FAM227B: variants seen among roughly 807,000 people sequenced by gnomAD.
FAM227B encodes protein FAM227B.
In FAM227B, 88 loss-of-function variants were observed where a neutral mutation model predicts 73.8. The ratio of observed to expected loss-of-function variants is 1.19; its 90% CI spans 1.00 to 1.42. The LOEUF (loss-of-function observed/expected upper bound fraction) is 1.42. Among genes scored for constraint, FAM227B ranks in the 40% most tolerant of loss-of-function variants. The probability of loss-of-function intolerance (pLI) is 0.00; values close to 1 mark genes in which losing one functional copy is unlikely to be tolerated. For synonymous variants in FAM227B, 210 were observed against 190.5 expected, an observed-to-expected ratio of 1.10 and a Z score of -0.84; for missense variants, 632 against 590.9, an observed-to-expected ratio of 1.07 and a Z score of -0.72.
intron 11 of FAM227B, among the ~76,000 whole-genome samples, chr15:49,492,160 T>A (rs1456104010): frequency 3.3e-5 from 5 of 152,046 alleles, no homozygotes; most frequent in Non-Finnish European, 7.4e-5. Context: ...AAAACACATC[T>A]ATACTTTTAA....
At chr15:49,437,760 T>A (rs1012258941) in intron 11 of FAM227B, among the ~76,000 whole-genome samples, 4 of 151,668 alleles carry the variant, frequency 2.6e-5, no homozygotes, top group African/African-American at 9.7e-5. Context: ...AGATACACAA[T>A]GCAAGCACCC....
intron 9 of FAM227B, among the ~76,000 whole-genome samples, chr15:49,544,857 C>G (rs1008576039): frequency 6.6e-6 from 1 of 152,104 alleles, no homozygotes; most frequent in African/African-American, 2.4e-5. Flanking sequence ...ATGAAACATA[C>G]TTGATCGTGG....
chr15:49,618,865 G>A (rs747409534), intron 1 of FAM227B, among the ~76,000 whole-genome samples: 70 of 152,186 alleles, frequency 4.6e-4, no homozygotes, highest in Non-Finnish European at 7.6e-4. Context: ...GGGTACTACA[G>A]GGTTTTCTTT....
At chr15:49,587,424 C>T (rs2076234085) in intron 5 of FAM227B, among the ~76,000 whole-genome samples, 1 of 152,036 alleles carries the variant, frequency 6.6e-6, no homozygotes, top group South Asian at 2.1e-4. Context: ...GTACAGCAAA[C>T]CCGCATGTCA....
chr15:49,525,549 G>A (rs2060103040), intron 10 of FAM227B, among the ~76,000 whole-genome samples: 2 of 151,174 alleles, frequency 1.3e-5, no homozygotes, highest in South Asian at 4.2e-4. Context: ...CTAAATGAAG[G>A]AGAAATAAAA....
intron 11 of FAM227B, among the ~76,000 whole-genome samples, chr15:49,381,594 G>C (rs986043924): frequency 2.0e-5 from 3 of 152,098 alleles, no homozygotes; most frequent in Non-Finnish European, 4.4e-5. Flanking sequence ...AAGGTACTTT[G>C]TATTTGCCAG....
At chr15:49,402,877 T>G (rs956137029) in intron 11 of FAM227B, among the ~76,000 whole-genome samples, 2 of 152,210 alleles carry the variant, frequency 1.3e-5, no homozygotes, top group African/African-American at 4.8e-5. Flanking sequence ...TAGGAATGCT[T>G]CCAGCTTTTG....
chr15:49,354,430 T>C (rs112972128), intron 13 of FAM227B, among the ~76,000 whole-genome samples: 1,529 of 151,682 alleles, frequency 0.01, 21 homozygotes, highest in African/African-American at 0.035. Flanking sequence ...ATTGCCTCAC[T>C]TGGGAAGCGC....
chr15:49,559,249 A>T (rs1242957552), intron 9 of FAM227B, among the ~76,000 whole-genome samples: 2 of 152,136 alleles, frequency 1.3e-5, no homozygotes, highest in African/African-American at 4.8e-5. Flanking sequence ...CTTCATAAGG[A>T]ACTCCTCCCA....
In FAM227B at chr15:49,327,363, G is replaced by C. The variant is rs921646217; in HGVS notation, c.*1205C>G. The C allele has an allele frequency of 6.6e-6, 1 of 152,198 alleles. No individual in the cohort carries two copies. Among genetic ancestry groups the C allele is most frequent in the African/African-American group, 2.4e-5 (1 of 41,436 alleles). The allele number at this position is 152,198 out of a possible 1,614,324, so 9.4% of individuals were successfully genotyped here. A position where few individuals can be genotyped will look rare whatever the true frequency, so the allele number is the denominator to read the frequency against. On this transcript the variant is annotated 3_prime_UTR_variant, in exon 16 of 16. Transcript: ENST00000299338. ...TCCATTAGAGATTCAACCAACCACCGACCCAACCTGGAGTTTAATAACACG... is the reference window on the plus strand; with the variant it reads ...TCCATTAGAGATTCAACCAACCACCCACCCAACCTGGAGTTTAATAACACG...
At chr15:49,392,267 G>C (rs560405054) in intron 11 of FAM227B, among the ~76,000 whole-genome samples, 17 of 152,174 alleles carry the variant, frequency 1.1e-4, no homozygotes, top group South Asian at 6.2e-4. Flanking sequence ...AATTTATGGA[G>C]GGCTTGAATT....
chr15:49,468,083 G>A (rs182908826), intron 11 of FAM227B, among the ~76,000 whole-genome samples: 1 of 152,230 alleles, frequency 6.6e-6, no homozygotes, highest in East Asian at 1.9e-4. Flanking sequence ...ACCACATGCT[G>A]ATGTACTTTC....
At chr15:49,359,830 G>T (rs1365919369) in intron 13 of FAM227B, among the ~76,000 whole-genome samples, 2 of 138,804 alleles carry the variant, frequency 1.4e-5, no homozygotes, top group Non-Finnish European at 3.1e-5. Context: ...CAAAGACTTG[G>T]AACCAACCCA....
chr15:49,543,299 T>C (rs1156849236), intron 9 of FAM227B, among the ~76,000 whole-genome samples: 1 of 152,154 alleles, frequency 6.6e-6, no homozygotes, highest in Non-Finnish European at 1.5e-5. Context: ...TGGCCATTTG[T>C]ATATCTTCTT....
At chr15:49,422,952 G>T in intron 11 of FAM227B, 1 of 363,444 alleles carries the variant, frequency 2.8e-6, no homozygotes, top group South Asian at 6.0e-5. Flanking sequence ...ATGTTCAAAT[G>T]AATAATTTTC....
At chr15:49,526,362 A>T (rs970094695) in intron 10 of FAM227B, among the ~76,000 whole-genome samples, 3 of 152,120 alleles carry the variant, frequency 2.0e-5, no homozygotes, top group Non-Finnish European at 2.9e-5. Flanking sequence ...TGAAGCAGAC[A>T]CATAATATAC....
chr15:49,485,113 T>A (rs2056298189), intron 11 of FAM227B: 4 of 152,202 alleles, frequency 2.6e-5, no homozygotes, highest in Non-Finnish European at 5.9e-5. Context: ...GATTAGAACA[T>A]GCTTATACCT....
intron 10 of FAM227B, among the ~76,000 whole-genome samples, chr15:49,511,139 T>A (rs1216027341): frequency 6.6e-6 from 1 of 152,110 alleles, no homozygotes; most frequent in African/African-American, 2.4e-5. Flanking sequence ...TTTCTTTGCT[T>A]TCTCTCTGTT....
At chr15:49,593,390 T>A (rs151089545) in intron 3 of FAM227B, among the ~76,000 whole-genome samples, 2,570 of 152,134 alleles carry the variant, frequency 0.017, 34 homozygotes, top group Middle Eastern at 0.037. Context: ...TTTCTTATTT[T>A]AAAAATTTTT....
Sources: gnomAD v4.1 joint callset for allele counts (sites outside exome capture counted in the v4.1 genomes callset) on GRCh38, gnomAD v4.1.1 for gene constraint, MANE v1.5 for transcripts, NCBI Gene and HGNC (gene_info 2026-07-23, HGNC 2026-07-21) for gene names.